The following ZC2HC1B variants were observed in gnomAD, a reference collection of about 807,000 sequenced individuals.
The protein encoded by ZC2HC1B is zinc finger C2HC domain-containing protein 1B.
ZC2HC1B carries 36 observed loss-of-function variants against 31.0 expected under a neutral mutation model. That is an observed-to-expected ratio of 1.16 (90% CI 0.89 to 1.54). The LOEUF is 1.54. Ranked by LOEUF, ZC2HC1B falls within the 40% of genes most tolerant of loss-of-function variation. The probability of loss-of-function intolerance (pLI) is 0.00; values close to 1 mark genes in which losing one functional copy is unlikely to be tolerated. For missense variants in ZC2HC1B, 260 were observed against 268.6 expected (o/e 0.97, Z 0.22); for synonymous variants, 73 against 88.0 (o/e 0.83, Z 0.95).
intron 1 of ZC2HC1B, among the ~76,000 whole-genome samples, chr6:143,878,058 G>A (rs1304161835): frequency 6.6e-6 from 1 of 150,734 alleles, no homozygotes; most frequent in African/African-American, 2.4e-5. Flanking sequence ...TGGATTCCCT[G>A]TTTGCAAATT....
intron 6 of ZC2HC1B, among the ~76,000 whole-genome samples, chr6:143,916,147 T>A (rs1305928746): frequency 1.3e-5 from 2 of 152,182 alleles, no homozygotes; most frequent in African/African-American, 4.8e-5. Context: ...GTGCCCTGTG[T>A]CCCAGCTGCT....
chr6:143,898,820 G>T (rs538079537), intron 5 of ZC2HC1B, 129 bp downstream of exon 5: 40 of 1,208,390 alleles, frequency 3.3e-5, no homozygotes, highest in Non-Finnish European at 4.4e-5. Flanking sequence ...GATCATGATT[G>T]CTCACCCCTG....
chr6:143,885,764 C>T lies in ZC2HC1B; in HGVS notation c.91-268C>T, dbSNP rs1005104487. 2.0e-5 allele frequency among the ~76,000 whole-genome samples: 3 copies of T among 152,200 alleles called. No homozygotes were observed. The highest frequency in any genetic ancestry group is 4.4e-5 in the Non-Finnish European group (3 of 68,038). On this transcript the variant is annotated intron_variant, in intron 2 of 7. Coordinates refer to ENST00000237275, the MANE Select transcript of ZC2HC1B (RefSeq NM_001013623.3). This position sits in a 1 kb window ranked among gnomAD's most constrained non-coding sequence, Gnocchi z 4.2. ...ATTGGAGTAAAGAACATACTGCCCACATTTGAGTTAAATATATAAACCCAA... is the reference window on the plus strand; with the variant it reads ...ATTGGAGTAAAGAACATACTGCCCATATTTGAGTTAAATATATAAACCCAA...
chr6:143,886,803 C>A lies in ZC2HC1B; in HGVS notation c.331C>A (p.Pro111Thr). The part of the protein sequence containing the change: ...KEGRPLPPPP[P>T]PSLNPDYIQR... Reference sequence around the variant, plus strand: ...AGGCCGACCCCTCCCACCTCCACCCCCTCCATCCTTGAACCCAGGTGTGTA... The same window carrying A: ...AGGCCGACCCCTCCCACCTCCACCCACTCCATCCTTGAACCCAGGTGTGTA... Residue 111 changes from proline to threonine, a missense_variant, in exon 4 of 8, where the codon CCT becomes ACT. Coordinates refer to ENST00000237275, the MANE Select transcript of ZC2HC1B (RefSeq NM_001013623.3). This position sits in a 1 kb window ranked among gnomAD's most constrained non-coding sequence, Gnocchi z 4.2. 8 of 1,536,452 alleles carry A rather than the reference C, an allele frequency of 5.2e-6. No individual in the cohort carries two copies. The highest frequency in any genetic ancestry group is 7.0e-6 in the Non-Finnish European group (8 of 1,140,368).
intron 1 of ZC2HC1B, among the ~76,000 whole-genome samples, chr6:143,874,958 G>A (rs367562254): frequency 5.3e-5 from 8 of 151,976 alleles, no homozygotes; most frequent in Non-Finnish European, 1.2e-4. Context: ...TCAGCCCCCC[G>A]GGTATGTGGG....
rs1379788053 is a variant in ZC2HC1B at position 143,923,253 on chromosome 6, T to C, written c.599-14396T>C. 2.0e-5 allele frequency among the ~76,000 whole-genome samples: 3 copies of C among 152,142 alleles called. No homozygotes were observed. The South Asian group carries it at 6.2e-4, about 31-fold the overall frequency. On this transcript the variant is annotated intron_variant, in intron 6 of 7. Transcript: ENST00000237275. This position sits in a 1 kb window ranked among gnomAD's most constrained non-coding sequence, Gnocchi z 4.8. ...CCCACTTTTTCATGGGATTATTAGT[T>C]TTTTTGCTGTTAAGTTGTTTGAATT...
intron 6 of ZC2HC1B, among the ~76,000 whole-genome samples, chr6:143,912,362 C>T (rs1307781150): frequency 2.0e-5 from 3 of 152,196 alleles, no homozygotes; most frequent in Admixed American, 2.0e-4. Flanking sequence ...TTTGAGTTTT[C>T]AGTGTTTTTG....
chr6:143,883,861 C>T lies in ZC2HC1B; in HGVS notation c.29-443C>T, dbSNP rs1777499340. On this transcript the variant is annotated intron_variant, in intron 1 of 7. Transcript: ENST00000237275. This position sits in a 1 kb window ranked among gnomAD's most constrained non-coding sequence, Gnocchi z 4.1. ...TTCAACCAATACCTTGAGTACCTTACTATGGGTCAAGTACTTGCATTGGGC... is the reference window on the plus strand; with the variant it reads ...TTCAACCAATACCTTGAGTACCTTATTATGGGTCAAGTACTTGCATTGGGC... Among the ~76,000 whole-genome samples the T allele has an allele frequency of 6.6e-6, 1 of 152,192 alleles. No homozygotes were observed. The highest frequency in any genetic ancestry group is 2.1e-4 in the South Asian group (1 of 4,828).
Position 143,883,779 on chromosome 6 carries a change from C to A in ZC2HC1B, c.29-525C>A, listed in dbSNP as rs1712670455. On this transcript the variant is annotated intron_variant, in intron 1 of 7. Coordinates refer to ENST00000237275, the MANE Select transcript of ZC2HC1B (RefSeq NM_001013623.3). This position sits in a 1 kb window ranked among gnomAD's most constrained non-coding sequence, Gnocchi z 4.1. ...CCACAGAATTGCATATAGCCAATAT[C>A]TATTTATCGAATGAATGTTTCTATG... Among the ~76,000 whole-genome samples the A allele has an allele frequency of 6.6e-6, 1 of 152,150 alleles. No homozygotes were observed. Among genetic ancestry groups the A allele is most frequent in the South Asian group, 2.1e-4 (1 of 4,836 alleles).
In ZC2HC1B at chr6:143,898,438, G is replaced by A; in HGVS notation, c.350-114G>A. On this transcript the variant is annotated intron_variant, in intron 4 of 7. Transcript: ENST00000237275. ...AGCCTCACAGAGTGCTGGGATTACT[G>A]GCATGAGCCATCATATCCTTATTTC... 3.8e-6 allele frequency: 5 copies of A among 1,313,966 alleles called. No homozygotes were observed. The South Asian group carries it at 5.8e-5, about 15-fold the overall frequency. The allele number at this position is 1,313,966 out of a possible 1,614,324, so 81.4% of individuals were successfully genotyped here. A position where few individuals can be genotyped will look rare whatever the true frequency, so the allele number is the denominator to read the frequency against.
Position 143,884,230 on chromosome 6 carries a change from C to T in ZC2HC1B, c.29-74C>T. 16 of 1,383,814 alleles carry T rather than the reference C, an allele frequency of 1.2e-5. No individual in the cohort carries two copies. The highest frequency in any genetic ancestry group is 1.5e-5 in the Non-Finnish European group (15 of 1,013,242). 85.7% of individuals were successfully genotyped at this position (1,383,814 alleles called of 1,614,324 possible). A position where few individuals can be genotyped will look rare whatever the true frequency, so the allele number is the denominator to read the frequency against. ...TGAGGATATCAAGCTATTGAGGTCA[C>T]CTCCAGTCAGTCATTTCTTCTCAGC... On this transcript the variant is annotated intron_variant, in intron 1 of 7. Coordinates refer to ENST00000237275, the MANE Select transcript of ZC2HC1B (RefSeq NM_001013623.3). The surrounding 1 kb of genome is among the most constrained non-coding windows in gnomAD (Gnocchi z 5.1).
intron 1 of ZC2HC1B, among the ~76,000 whole-genome samples, chr6:143,882,598 T>C (rs889513734): frequency 2.6e-5 from 4 of 151,890 alleles, no homozygotes; most frequent in Non-Finnish European, 4.4e-5. Flanking sequence ...TCTCTCCTGT[T>C]TCTCCTCCTG....
chr6:143,894,013 AC>A (rs1432767560), intron 4 of ZC2HC1B, among the ~76,000 whole-genome samples: 2 of 152,200 alleles, frequency 1.3e-5, no homozygotes, highest in African/African-American at 2.4e-5. Context: ...AATAAGTTAA[AC>A]ATACACTTAG....
intron 6 of ZC2HC1B, among the ~76,000 whole-genome samples, chr6:143,929,335 T>C (rs941951613): frequency 3.3e-5 from 5 of 152,254 alleles, no homozygotes; most frequent in African/African-American, 1.2e-4. Context: ...TCTATTGAGA[T>C]GATAATATGG....
chr6:143,930,666 C>T (rs1365542511), intron 6 of ZC2HC1B, among the ~76,000 whole-genome samples: 1 of 151,984 alleles, frequency 6.6e-6, no homozygotes, highest in Admixed American at 6.6e-5. Context: ...CGTGAGCCAC[C>T]GCGCCCAGCC....
At chr6:143,881,853 G>T (rs1009842357) in intron 1 of ZC2HC1B, 1 of 152,152 alleles carries the variant, frequency 6.6e-6, no homozygotes, top group African/African-American at 2.4e-5. Context: ...TGGTCCATCT[G>T]TATCCAAGTA....
At chr6:143,867,308 TAAAC>T (rs1258128027) in intron 1 of ZC2HC1B, among the ~76,000 whole-genome samples, 3 of 152,202 alleles carry the variant, frequency 2.0e-5, no homozygotes, top group East Asian at 1.9e-4. Flanking sequence ...ACAACTGAAA[TAAAC>T]AAACTTAGCT....
At chr6:143,892,268 A>T (rs1269494440) in intron 4 of ZC2HC1B, among the ~76,000 whole-genome samples, 1 of 151,420 alleles carries the variant, frequency 6.6e-6, no homozygotes. Flanking sequence ...GAGGGAAGGG[A>T]AGGAGGTGGG....
Position 143,885,993 on chromosome 6 carries a change from G to A in ZC2HC1B, c.91-39G>A. On this transcript the variant is annotated intron_variant, in intron 2 of 7. Coordinates refer to ENST00000237275, the MANE Select transcript of ZC2HC1B (RefSeq NM_001013623.3). This position sits in a 1 kb window ranked among gnomAD's most constrained non-coding sequence, Gnocchi z 4.2. The stretch of plus-strand genomic sequence containing the variant: ...CACCTAGGCATTAAAAACTGATTGT[G>A]CACTTTAGAAATTCCAATCCCTACT... 1 of 1,486,178 alleles carries A rather than the reference G, an allele frequency of 6.7e-7. No individual in the cohort carries two copies. Among genetic ancestry groups the A allele is most frequent in the African/African-American group, 1.4e-5 (1 of 70,540 alleles). The allele number at this position is 1,486,178 out of a possible 1,614,324, so 92.1% of individuals were successfully genotyped here. A position where few individuals can be genotyped will look rare whatever the true frequency, so the allele number is the denominator to read the frequency against.
Sources: allele counts gnomAD v4.1 joint callset (sites outside exome capture counted in the v4.1 genomes callset), GRCh38; gene constraint gnomAD v4.1.1; non-coding constraint Gnocchi (gnomAD v3.1); transcripts MANE v1.5; gene names NCBI Gene and HGNC (gene_info 2026-07-23, HGNC 2026-07-21).